Variants in DCLK2 observed in about 807,000 individuals in gnomAD.
DCLK2 encodes the protein serine/threonine-protein kinase DCLK2.
A neutral mutation model predicts 78.4 loss-of-function variants in DCLK2; 31 were observed. The observed-to-expected ratio is 0.40, with a 90% confidence interval of 0.30 to 0.53. The LOEUF (loss-of-function observed/expected upper bound fraction) is 0.53. Ranked by LOEUF, DCLK2 falls within the 20% of genes least tolerant of loss-of-function variation. DCLK2 has a pLI of 0.61. For missense variants in DCLK2, 872 were observed against 973.7 expected (o/e 0.90, Z 1.39); for synonymous variants, 407 against 374.9 (o/e 1.09, Z -0.99).
intron 2 of DCLK2, among the ~76,000 whole-genome samples, chr4:150,172,665 T>G (rs1186440793): frequency 1.3e-5 from 2 of 150,420 alleles, no homozygotes; most frequent in Non-Finnish European, 3.0e-5. Context: ...AACCCCTAGT[T>G]TTATGAGGGA....
chr4:150,208,707 T>C (rs1740053867), intron 5 of DCLK2, among the ~76,000 whole-genome samples: 1 of 152,098 alleles, frequency 6.6e-6, no homozygotes, highest in South Asian at 2.1e-4. Flanking sequence ...CAACTTTTCC[T>C]GAGAGGCTTG....
At chr4:150,095,876 A>G (rs1176597521) in intron 1 of DCLK2, among the ~76,000 whole-genome samples, 1 of 152,196 alleles carries the variant, frequency 6.6e-6, no homozygotes, top group Non-Finnish European at 1.5e-5. Flanking sequence ...AAGGAATGAG[A>G]ATAAAGAGGG....
chr4:150,143,675 A>C (rs550714118), intron 2 of DCLK2, among the ~76,000 whole-genome samples: 1 of 152,268 alleles, frequency 6.6e-6, no homozygotes. Flanking sequence ...TCCCACCAAC[A>C]GTGTATAAGC....
chr4:150,233,015 T>C (rs777152250), intron 10 of DCLK2, among the ~76,000 whole-genome samples, 187 bp downstream of exon 10: 1 of 152,240 alleles, frequency 6.6e-6, no homozygotes, highest in Non-Finnish European at 1.5e-5. Flanking sequence ...TCTGCATTTG[T>C]TATTTACCAC....
chr4:150,245,301 C>A (rs1290800990), intron 12 of DCLK2, among the ~76,000 whole-genome samples: 1 of 152,234 alleles, frequency 6.6e-6, no homozygotes, highest in Non-Finnish European at 1.5e-5. Flanking sequence ...TCCTGACTTT[C>A]ACTCCTCAGT....
intron 5 of DCLK2, among the ~76,000 whole-genome samples, chr4:150,209,254 C>T (rs553245373): frequency 1.6e-4 from 24 of 152,318 alleles, no homozygotes; most frequent in Admixed American, 1.6e-3. Context: ...TCTGACTTTC[C>T]TGAAGGTCAG....
chr4:150,151,450 C>T (rs557020123), intron 2 of DCLK2, among the ~76,000 whole-genome samples: 51 of 152,210 alleles, frequency 3.4e-4, no homozygotes, highest in Non-Finnish European at 5.6e-4. Context: ...CTAGTCTTTC[C>T]TGTACCCCTG....
At chr4:150,089,957 A>G (rs901355811) in intron 1 of DCLK2, among the ~76,000 whole-genome samples, 4 of 152,310 alleles carry the variant, frequency 2.6e-5, no homozygotes, top group Admixed American at 1.3e-4. Flanking sequence ...TGCTGTGAAC[A>G]TGTCTTTTAT....
chr4:150,212,021 T>C (rs913641207), intron 5 of DCLK2, among the ~76,000 whole-genome samples: 1 of 152,214 alleles, frequency 6.6e-6, no homozygotes, highest in African/African-American at 2.4e-5. Flanking sequence ...TGTTCCAGTT[T>C]AAGACTTTTA....
At chr4:150,153,571 G>T (rs1164109181) in intron 2 of DCLK2, among the ~76,000 whole-genome samples, 1 of 151,574 alleles carries the variant, frequency 6.6e-6, no homozygotes, top group African/African-American at 2.4e-5. Flanking sequence ...CCACATGCCT[G>T]GCTAATTTTT....
intron 12 of DCLK2, among the ~76,000 whole-genome samples, chr4:150,243,477 G>A (rs1743073266): frequency 6.6e-6 from 1 of 152,122 alleles, no homozygotes; most frequent in Admixed American, 6.6e-5. Flanking sequence ...TACGGACATG[G>A]TACTTTAAAT....
At chr4:150,239,616 CAAG>C in intron 10 of DCLK2, 123 bp from the exon 11 acceptor site, 9 of 1,297,008 alleles carry the variant, frequency 6.9e-6, no homozygotes, top group Non-Finnish European at 9.5e-6. Flanking sequence ...AAAAAAATCA[CAAG>C]GAGAGATTTC....
Position 150,238,367 on chromosome 4 carries a change from A to G in DCLK2, c.1567-1375A>G, listed in dbSNP as rs562451750. ...ATGTTGCCCTTAGTTTTTAAAAGTC[A>G]TAGATAAATTCTGAGATTAGCGTCC... On this transcript the variant is annotated intron_variant, in intron 10 of 15. Transcript: ENST00000296550. Among the ~76,000 whole-genome samples, 3 of 152,308 alleles carry G rather than the reference A, an allele frequency of 2.0e-5. 1 individual carries two copies. The South Asian group carries it at 6.2e-4, about 32-fold the overall frequency.
At chr4:150,080,440 T>G (rs991139130) in intron 1 of DCLK2, among the ~76,000 whole-genome samples, 10 of 152,208 alleles carry the variant, frequency 6.6e-5, no homozygotes, top group African/African-American at 1.7e-4. Flanking sequence ...TTTCCAGTTC[T>G]AAATAACATC....
intron 3 of DCLK2, among the ~76,000 whole-genome samples, chr4:150,195,075 T>TA (rs367634750): frequency 1.0e-3 from 144 of 140,778 alleles, no homozygotes; most frequent in Non-Finnish European, 1.6e-3. Flanking sequence ...AATGTCCTGT[T>TA]ACGTTATCTG....
chr4:150,093,938 G>T (rs947281983), intron 1 of DCLK2, among the ~76,000 whole-genome samples: 1 of 152,160 alleles, frequency 6.6e-6, no homozygotes, highest in African/African-American at 2.4e-5. Flanking sequence ...CTTCAACAGG[G>T]TTGCCAAGAA....
chr4:150,200,178 C>A (rs1297203289), intron 4 of DCLK2, among the ~76,000 whole-genome samples: 1 of 152,134 alleles, frequency 6.6e-6, no homozygotes, highest in African/African-American at 2.4e-5. Flanking sequence ...AGAAGATAGC[C>A]TAATAAATAT....
At chr4:150,139,922 A>T (rs1733995500) in intron 2 of DCLK2, among the ~76,000 whole-genome samples, 2 of 152,220 alleles carry the variant, frequency 1.3e-5, no homozygotes, top group African/African-American at 2.4e-5. Context: ...TATCCAAATG[A>T]CATGGTTGGT....
chr4:150,194,287 A>G (rs955418121), intron 3 of DCLK2, among the ~76,000 whole-genome samples: 6 of 152,170 alleles, frequency 3.9e-5, no homozygotes, highest in Non-Finnish European at 7.3e-5. Context: ...AGACTATACC[A>G]TATAGTCTGG....
Sources: gnomAD v4.1 joint callset for allele counts (sites outside exome capture counted in the v4.1 genomes callset) on GRCh38, gnomAD v4.1.1 for gene constraint, MANE v1.5 for transcripts, NCBI Gene and HGNC (gene_info 2026-07-23, HGNC 2026-07-21) for gene names.